Variants in ZNF69 observed in about 807,000 individuals in gnomAD.
ZNF69 encodes zinc finger protein 69.
Under a neutral mutation model 50.9 loss-of-function variants are expected in ZNF69, and 47 were observed. The observed-to-expected ratio is 0.92, with a 90% CI of 0.73 to 1.18. The LOEUF is 1.18. ZNF69 is among the 50% of genes most tolerant of loss of function. ZNF69 has a pLI of 0.00. For synonymous variants in ZNF69, 216 were observed against 223.1 expected (o/e 0.97, Z 0.29); for missense variants, 717 against 675.1 (o/e 1.06, Z -0.69).
the ZNF69 span, chr19:11,925,075 A>T: frequency 5.2e-6 from 5 of 962,570 alleles, no homozygotes; most frequent in South Asian, 5.5e-5. Flanking sequence ...GGCACTGCCC[A>T]CAGTTCATCC....
At chr19:11,973,727 T>G in the ZNF69 span, among the ~76,000 whole-genome samples, 1 of 152,026 alleles carries the variant, frequency 6.6e-6, no homozygotes, top group African/African-American at 2.4e-5. Context: ...ATTTTTTTTT[T>G]TTTTTTTTAA....
chr19:11,949,901 G>A, the ZNF69 span: 2 of 1,613,712 alleles, frequency 1.2e-6, no homozygotes, highest in South Asian at 1.1e-5. Flanking sequence ...AAGCAATGTG[G>A]GAAAGCCTTC....
downstream of ZNF69, among the ~76,000 whole-genome samples, chr19:11,910,652 C>T: frequency 6.6e-6 from 1 of 152,262 alleles, no homozygotes; most frequent in South Asian, 2.1e-4. Context: ...CTTCCTTACA[C>T]CTTATACAAA....
intron 1 of ZNF69, among the ~76,000 whole-genome samples, chr19:11,891,743 G>A (rs997618708): frequency 1.3e-5 from 2 of 152,190 alleles, no homozygotes; most frequent in Non-Finnish European, 2.9e-5. Flanking sequence ...TGTTGTGGGA[G>A]TGTAAGGATA....
the ZNF69 span, chr19:11,924,924 A>T: frequency 1.6e-5 from 6 of 383,252 alleles, no homozygotes; most frequent in Non-Finnish European, 2.4e-5. Flanking sequence ...ACCAGAGTGC[A>T]GAAAGCAGCT....
At chr19:11,913,276 G>A (rs1972484130) in intron 4 of ZNF69, 1 of 457,976 alleles carries the variant, frequency 2.2e-6, no homozygotes, top group Admixed American at 4.3e-5. Context: ...TTATTATTTG[G>A]ACATTGTGAG....
the ZNF69 span, among the ~76,000 whole-genome samples, chr19:11,959,284 GT>G: frequency 1.3e-5 from 2 of 152,178 alleles, no homozygotes; most frequent in African/African-American, 4.8e-5. Context: ...GAAGGAAATA[GT>G]TTTTTAATAA....
chr19:11,887,824 C>G lies in ZNF69; in HGVS notation c.-100C>G. The G allele has an allele frequency of 9.3e-7, 1 of 1,070,254 alleles. No individual in the cohort carries two copies. Among genetic ancestry groups the G allele is most frequent in the Admixed American group, 1.9e-5 (1 of 51,794 alleles). 66.3% of individuals were successfully genotyped at this position (1,070,254 alleles called of 1,614,324 possible). On this transcript the variant is annotated 5_prime_UTR_variant, in exon 1 of 4. Coordinates refer to ENST00000429654, the MANE Select transcript of ZNF69 (RefSeq NM_001364730.1). ...TGAGGGGGTCGCATTCCTTACCTCA[C>G]CTTTGTCCCTGCGCGGGCTGCGGCT...
the ZNF69 span, among the ~76,000 whole-genome samples, chr19:11,973,948 A>G: frequency 1.3e-5 from 2 of 152,166 alleles, no homozygotes; most frequent in East Asian, 1.9e-4. Flanking sequence ...ATTCACATCC[A>G]TAGTGAAGGA....
intron 1 of ZNF69, among the ~76,000 whole-genome samples, chr19:11,901,227 G>A (rs1244191124): frequency 6.6e-6 from 1 of 152,054 alleles, no homozygotes; most frequent in Non-Finnish European, 1.5e-5. Flanking sequence ...TGTTCCTAGT[G>A]CCTCTCTTGT....
the ZNF69 span, among the ~76,000 whole-genome samples, chr19:11,943,701 C>G: frequency 6.6e-6 from 1 of 151,950 alleles, no homozygotes; most frequent in Non-Finnish European, 1.5e-5. Context: ...ACTAGAAAAC[C>G]GAAAGATTGT....
At chr19:11,909,886 T>C (rs1433980408), downstream of ZNF69, among the ~76,000 whole-genome samples, 1 of 151,214 alleles carries the variant, frequency 6.6e-6, no homozygotes, top group East Asian at 1.9e-4. Context: ...AAATTGTCCC[T>C]GTTTGCAGAT....
chr19:11,948,134 C>G, the ZNF69 span: 2 of 951,306 alleles, frequency 2.1e-6, no homozygotes, highest in Non-Finnish European at 1.6e-6. Flanking sequence ...TAGAACATGT[C>G]CAGTCACCTT....
chr19:11,903,980 C>G lies in ZNF69; in HGVS notation c.251+15C>G, dbSNP rs751148391. The stretch of plus-strand genomic sequence containing the variant: ...AGAAACTTCAGGTAATTTGTACTTA[C>G]AAGACAAAGCAGTGTCTCTCTAGAC... On this transcript the variant is annotated intron_variant, in intron 3 of 3. Transcript: ENST00000429654. 69 of 1,611,674 alleles carry G rather than the reference C, an allele frequency of 4.3e-5. No individual in the cohort carries two copies. The highest frequency in any genetic ancestry group is 5.8e-5 in the Non-Finnish European group (68 of 1,178,296).
chr19:11,908,957 C>A (rs1487290326), downstream of ZNF69, among the ~76,000 whole-genome samples: 1 of 151,936 alleles, frequency 6.6e-6, no homozygotes, highest in East Asian at 1.9e-4. Context: ...AGAGAAGAAT[C>A]AAATAGATGC....
intron 1 of ZNF69, among the ~76,000 whole-genome samples, chr19:11,902,134 C>T (rs796178436): frequency 1.3e-4 from 19 of 151,960 alleles, no homozygotes; most frequent in African/African-American, 3.1e-4. Flanking sequence ...AGGCATGTGC[C>T]GCCATGCCCG....
At chr19:11,926,080 G>T in the ZNF69 span, among the ~76,000 whole-genome samples, 1 of 152,002 alleles carries the variant, frequency 6.6e-6, no homozygotes, top group Non-Finnish European at 1.5e-5. Flanking sequence ...GGAGGAGGTA[G>T]GAAGGAAGGG....
chr19:11,927,831 T>G, the ZNF69 span, among the ~76,000 whole-genome samples: 1 of 152,150 alleles, frequency 6.6e-6, no homozygotes, highest in Non-Finnish European at 1.5e-5. Flanking sequence ...TGATCATGGG[T>G]TGTGACTGAC....
At chr19:11,913,761 AG>A (rs1907493809) in exon 5 of ZNF69, 1 of 170,654 alleles carries the variant, frequency 5.9e-6, no homozygotes, top group Admixed American at 6.3e-5. Flanking sequence ...TCTTCCCAAA[AG>A]CCAGCAGTAC....
Sources: allele counts gnomAD v4.1 joint callset (sites outside exome capture counted in the v4.1 genomes callset), GRCh38; gene constraint gnomAD v4.1.1; transcripts MANE v1.5; gene names NCBI Gene and HGNC (gene_info 2026-07-23, HGNC 2026-07-21).